CSMD1: variants seen among roughly 807,000 people sequenced by gnomAD.
CSMD1 encodes the protein CUB and sushi domain-containing protein 1.
In CSMD1, 213 loss-of-function variants were observed where a neutral mutation model predicts 417.5. The observed-to-expected ratio is 0.51, with a 90% CI of 0.46 to 0.57. The LOEUF (loss-of-function observed/expected upper bound fraction) is 0.57, where lower values mean the gene tolerates loss of function less well. Ranked by LOEUF, CSMD1 falls within the 20% of genes least tolerant of loss-of-function variation. The probability of loss-of-function intolerance (pLI) is 0.00; values close to 1 mark genes in which losing one functional copy is unlikely to be tolerated. For missense variants in CSMD1, 6,923 were observed against 4,529.7 expected (o/e 1.53, Z -15.17); for synonymous variants, 2,862 against 1,736.8 (o/e 1.65, Z -16.11).
chr8:3,060,247 G>A (rs1812505593), intron 49 of CSMD1, among the ~76,000 whole-genome samples: 1 of 150,964 alleles, frequency 6.6e-6, no homozygotes, highest in African/African-American at 2.4e-5. Flanking sequence ...CCGAGTTCAA[G>A]CGATTCTCCT....
At chr8:4,015,637 A>C (rs1354703050) in intron 4 of CSMD1, among the ~76,000 whole-genome samples, 1 of 148,340 alleles carries the variant, frequency 6.7e-6, no homozygotes, top group Non-Finnish European at 1.5e-5. Context: ...CAGTCTCAAA[A>C]TAGATAAAAA....
At chr8:4,388,218 A>G (rs147772331) in intron 3 of CSMD1, among the ~76,000 whole-genome samples, 1 of 151,998 alleles carries the variant, frequency 6.6e-6, no homozygotes, top group Non-Finnish European at 1.5e-5. Flanking sequence ...ATATTTGCAC[A>G]TGCGTGTTTA....
intron 3 of CSMD1, among the ~76,000 whole-genome samples, chr8:4,044,560 G>T (rs778522472): frequency 6.6e-6 from 1 of 152,152 alleles, no homozygotes; most frequent in African/African-American, 2.4e-5. Context: ...ATTCTACCAC[G>T]GCAGAGCTCG....
intron 69 of CSMD1, among the ~76,000 whole-genome samples, chr8:2,939,079 C>T (rs1289075801): frequency 6.6e-6 from 1 of 152,212 alleles, no homozygotes; most frequent in Non-Finnish European, 1.5e-5. Flanking sequence ...ATCCTCCCAC[C>T]TCAGCCTCCT....
At chr8:4,295,323 CACATATAATCTTAAGATTAT>C (rs1797614993) in intron 3 of CSMD1, among the ~76,000 whole-genome samples, 4 of 111,484 alleles carry the variant, frequency 3.6e-5, no homozygotes, top group Non-Finnish European at 8.4e-5. Flanking sequence ...TAAGATTATG[CACATATAATCTTAAGATTAT>C]GCACATATAA....
intron 3 of CSMD1, among the ~76,000 whole-genome samples, chr8:4,219,660 G>C (rs770097560): frequency 3.3e-5 from 5 of 152,166 alleles, no homozygotes; most frequent in Admixed American, 1.3e-4. Flanking sequence ...TGAAGAGTGA[G>C]ATCATTTGGA....
intron 5 of CSMD1, among the ~76,000 whole-genome samples, chr8:3,950,549 A>G (rs756092): frequency 0.35 from 52,572 of 152,144 alleles, 9,344 homozygotes; most frequent in East Asian, 0.51. Context: ...CAGAGCCTCA[A>G]TACAAGCGTT....
chr8:4,622,716 T>A (rs1004030639), intron 2 of CSMD1, among the ~76,000 whole-genome samples: 2 of 152,144 alleles, frequency 1.3e-5, no homozygotes, highest in Non-Finnish European at 2.9e-5. Context: ...ATCCCACCTG[T>A]GCCTGTGTTC....
At chr8:3,252,928 TTG>T (rs1399392839) in intron 26 of CSMD1, among the ~76,000 whole-genome samples, 1 of 152,210 alleles carries the variant, frequency 6.6e-6, no homozygotes, top group African/African-American at 2.4e-5. Flanking sequence ...TCATTTTTTA[TTG>T]TGTCTATTTG....
chr8:3,878,326 C>G, intron 5 of CSMD1, among the ~76,000 whole-genome samples: 1 of 152,068 alleles, frequency 6.6e-6, no homozygotes, highest in Admixed American at 6.6e-5. Flanking sequence ...CTACACTATT[C>G]TTTAAAATAT....
At chr8:3,793,433 G>A (rs916919023) in intron 5 of CSMD1, among the ~76,000 whole-genome samples, 2 of 151,950 alleles carry the variant, frequency 1.3e-5, no homozygotes, top group African/African-American at 2.4e-5. Flanking sequence ...CACTGTCTCT[G>A]CAAGAACTCC....
At chr8:4,602,940 C>T (rs2725086) in intron 2 of CSMD1, among the ~76,000 whole-genome samples, 150,147 of 152,022 alleles carry the variant, frequency 0.99, 74,158 homozygotes, top group East Asian at 1. Context: ...ATGAATGTAA[C>T]TATAAAAATA....
At chr8:3,945,967 A>G (rs1811195450) in intron 5 of CSMD1, among the ~76,000 whole-genome samples, 1 of 152,124 alleles carries the variant, frequency 6.6e-6, no homozygotes, top group South Asian at 2.1e-4. Flanking sequence ...AATTTATTGA[A>G]AGGTTATGTT....
intron 4 of CSMD1, among the ~76,000 whole-genome samples, chr8:3,999,001 TATAA>T (rs1278673678): frequency 2.0e-5 from 3 of 149,050 alleles, no homozygotes; most frequent in African/African-American, 7.3e-5. Flanking sequence ...ATAGTTTATA[TATAA>T]ATAACATATA....
At chr8:4,342,513 C>G (rs945835209) in intron 3 of CSMD1, among the ~76,000 whole-genome samples, 1 of 151,956 alleles carries the variant, frequency 6.6e-6, no homozygotes, top group Non-Finnish European at 1.5e-5. Context: ...GGTTTCATTC[C>G]GAACTCTGAC....
chr8:4,815,645 G>A (rs1585146619), intron 1 of CSMD1, among the ~76,000 whole-genome samples: 1 of 140,024 alleles, frequency 7.1e-6, no homozygotes, highest in Admixed American at 7.5e-5. Flanking sequence ...GCAGTGAACT[G>A]AGGCTGCACC....
At chr8:4,540,667 G>A (rs780921223) in intron 2 of CSMD1, among the ~76,000 whole-genome samples, 3 of 152,174 alleles carry the variant, frequency 2.0e-5, no homozygotes, top group Non-Finnish European at 2.9e-5. Flanking sequence ...ACAAAGGTCA[G>A]GAAAGGCTTC....
At chr8:3,773,035 A>T (rs1798702498) in intron 5 of CSMD1, among the ~76,000 whole-genome samples, 2 of 152,158 alleles carry the variant, frequency 1.3e-5, no homozygotes. Context: ...GTACCTTCCC[A>T]TGACAGAAGG....
At chr8:4,133,019 C>T (rs185682331) in intron 3 of CSMD1, among the ~76,000 whole-genome samples, 209 of 152,174 alleles carry the variant, frequency 1.4e-3, no homozygotes, top group Middle Eastern at 6.8e-3. Context: ...CTGCAACCTC[C>T]GACTCCCGGG....
Sources: gnomAD v4.1 joint callset for allele counts (sites outside exome capture counted in the v4.1 genomes callset) on GRCh38, gnomAD v4.1.1 for gene constraint, MANE v1.5 for transcripts, NCBI Gene and HGNC (gene_info 2026-07-23, HGNC 2026-07-21) for gene names.